The following HDAC9 variants were observed in gnomAD, a reference collection of about 807,000 sequenced individuals.
HDAC9 encodes the protein histone deacetylase 9, also known as MEF-2 interacting transcription repressor (MITR) protein.
In HDAC9, 41 loss-of-function variants were observed where a neutral mutation model predicts 139.4. The ratio of observed to expected loss-of-function variants is 0.29; its 90% CI spans 0.23 to 0.38. HDAC9 has a LOEUF of 0.38. Ranked by LOEUF, HDAC9 falls within the 10% of genes least tolerant of loss-of-function variation. The pLI is 1.00. For missense variants in HDAC9, 1,147 were observed against 1,297.0 expected (o/e 0.88, Z 1.78); for synonymous variants, 517 against 476.2 (o/e 1.09, Z -1.12).
chr7:18,663,457 C>T (rs1793840432), intron 11 of HDAC9, among the ~76,000 whole-genome samples: 1 of 151,976 alleles, frequency 6.6e-6, no homozygotes, highest in Non-Finnish European at 1.5e-5. Flanking sequence ...GCCCTCCCTC[C>T]CCCTCACCCC....
chr7:18,316,214 G>C (rs2128630529), intron 1 of HDAC9, among the ~76,000 whole-genome samples: 1 of 152,212 alleles, frequency 6.6e-6, no homozygotes, highest in East Asian at 1.9e-4. Flanking sequence ...ATGATACTGT[G>C]CTGGTTCAAG....
intron 2 of HDAC9, among the ~76,000 whole-genome samples, chr7:18,536,388 A>C (rs1416830172): frequency 6.6e-6 from 1 of 152,242 alleles, no homozygotes; most frequent in African/African-American, 2.4e-5. Context: ...TAAAATTTGT[A>C]ACTTAATTTG....
chr7:18,614,592 C>T (rs183911924), intron 6 of HDAC9, among the ~76,000 whole-genome samples: 17 of 152,226 alleles, frequency 1.1e-4, no homozygotes, highest in Non-Finnish European at 1.8e-4. Flanking sequence ...TTCTTCTCTT[C>T]TTGTCTGATG....
chr7:18,398,561 T>A (rs896612491), intron 1 of HDAC9, among the ~76,000 whole-genome samples: 2 of 152,162 alleles, frequency 1.3e-5, no homozygotes, highest in African/African-American at 4.8e-5. Flanking sequence ...TTATAGTTCC[T>A]TAGATTGGAC....
At chr7:18,748,382 G>GC (rs1349966730) in intron 13 of HDAC9, among the ~76,000 whole-genome samples, 2 of 152,092 alleles carry the variant, frequency 1.3e-5, no homozygotes, top group African/African-American at 4.8e-5. Flanking sequence ...CACTTTAAAT[G>GC]CCCCACGATA....
At chr7:18,223,544 T>G (rs962879408) in intron 2 of HDAC9, among the ~76,000 whole-genome samples, 1 of 152,066 alleles carries the variant, frequency 6.6e-6, no homozygotes, top group Non-Finnish European at 1.5e-5. Flanking sequence ...GATAGTGCCA[T>G]AACACAAATA....
At chr7:18,240,721 C>T (rs931160605) in intron 2 of HDAC9, among the ~76,000 whole-genome samples, 4 of 152,152 alleles carry the variant, frequency 2.6e-5, no homozygotes, top group East Asian at 1.9e-4. Flanking sequence ...TCCTCTTCCA[C>T]GGTTCTATAA....
intron 1 of HDAC9, among the ~76,000 whole-genome samples, chr7:18,397,519 C>G (rs937276866): frequency 6.6e-6 from 1 of 152,076 alleles, no homozygotes; most frequent in African/African-American, 2.4e-5. Context: ...ATGTAATCAC[C>G]CCTACCTCCT....
intron 1 of HDAC9, among the ~76,000 whole-genome samples, chr7:18,113,144 G>C (rs747140308): frequency 6.6e-6 from 1 of 152,120 alleles, no homozygotes; most frequent in Non-Finnish European, 1.5e-5. Flanking sequence ...TTAAGTACAC[G>C]TACATTAAAA....
chr7:18,620,612 C>T (rs1485968840), intron 6 of HDAC9, among the ~76,000 whole-genome samples: 1 of 151,788 alleles, frequency 6.6e-6, no homozygotes, highest in African/African-American at 2.4e-5. Context: ...TCACCTGAGC[C>T]AGCCGAGTGC....
intron 1 of HDAC9, among the ~76,000 whole-genome samples, chr7:18,398,402 T>G (rs1365895079): frequency 1.3e-5 from 2 of 152,208 alleles, no homozygotes; most frequent in Admixed American, 1.3e-4. Context: ...GATTTTGTTC[T>G]TGGGAAACCC....
intron 23 of HDAC9, among the ~76,000 whole-genome samples, chr7:18,937,030 A>ATT (rs768350029): frequency 0.29 from 27,924 of 96,672 alleles, 4,848 homozygotes; most frequent in Non-Finnish European, 0.38. Context: ...GCTCTTGTTA[A>ATT]TTTTTTTTTT....
At chr7:18,791,680 T>C (rs1477117212) in intron 16 of HDAC9, among the ~76,000 whole-genome samples, 1 of 152,148 alleles carries the variant, frequency 6.6e-6, no homozygotes, top group Admixed American at 6.5e-5. Context: ...TGGAAAGGCA[T>C]GTGCTGACAG....
rs560675157 is a variant in HDAC9 at position 18,151,335 on chromosome 7, A to G, written c.-96-10894A>G. Among the ~76,000 whole-genome samples, 17 of 152,236 alleles carry G rather than the reference A, an allele frequency of 1.1e-4. 1 individual carries two copies. In the South Asian group the frequency reaches 3.3e-3, roughly 30 times the overall value. Reference sequence around the variant, plus strand: ...GTTTTTTCAGGTTTTATCATTTGAAACTTTACTCCATTTGTTGAGATGGAG... The same window carrying G: ...GTTTTTTCAGGTTTTATCATTTGAAGCTTTACTCCATTTGTTGAGATGGAG... On this transcript the variant is annotated intron_variant, in intron 1 of 12. Coordinates refer to the HDAC9 transcript ENST00000417496.
At chr7:18,448,413 AT>A (rs1792495415) in intron 1 of HDAC9, among the ~76,000 whole-genome samples, 1 of 152,220 alleles carries the variant, frequency 6.6e-6, no homozygotes. Context: ...AAAAGAAAAA[AT>A]ATCACCTTTG....
At chr7:18,754,081 G>T (rs1788680417) in intron 14 of HDAC9, among the ~76,000 whole-genome samples, 1 of 152,032 alleles carries the variant, frequency 6.6e-6, no homozygotes, top group African/African-American at 2.4e-5. Flanking sequence ...TGGTTACATG[G>T]GTTAACTTTT....
At chr7:18,712,097 C>A (rs184404965) in intron 12 of HDAC9, among the ~76,000 whole-genome samples, 24 of 152,178 alleles carry the variant, frequency 1.6e-4, no homozygotes, top group African/African-American at 5.3e-4. Flanking sequence ...TCAGGTTTGC[C>A]CATAGCCAGT....
At chr7:18,810,150 T>C (rs1562957214) in intron 17 of HDAC9, among the ~76,000 whole-genome samples, 1 of 151,704 alleles carries the variant, frequency 6.6e-6, no homozygotes, top group Non-Finnish European at 1.5e-5. Flanking sequence ...GTTGAGCTCA[T>C]AGAAACAGGG....
chr7:18,913,046 C>G (rs1370982703), intron 22 of HDAC9, among the ~76,000 whole-genome samples: 2 of 152,166 alleles, frequency 1.3e-5, no homozygotes, highest in South Asian at 2.1e-4. Flanking sequence ...TGGATATTTT[C>G]TCTGCTTAAA....
Sources: allele counts gnomAD v4.1 joint callset (sites outside exome capture counted in the v4.1 genomes callset), GRCh38; gene constraint gnomAD v4.1.1; transcripts MANE v1.5; gene names NCBI Gene and HGNC (gene_info 2026-07-23, HGNC 2026-07-21).